Variants in SIN3B observed in about 807,000 individuals in gnomAD.
SIN3B encodes the protein paired amphipathic helix protein Sin3b.
A neutral mutation model predicts 120.2 loss-of-function variants in SIN3B; 19 were observed. The ratio of observed to expected loss-of-function variants is 0.16; its 90% CI spans 0.11 to 0.23. The LOEUF (loss-of-function observed/expected upper bound fraction) is 0.23. Ranked by LOEUF, SIN3B falls within the 10% of genes least tolerant of loss-of-function variation. The pLI, the probability that SIN3B is intolerant of heterozygous loss-of-function variation, is 1.00. For synonymous variants in SIN3B, 654 were observed against 653.2 expected, an observed-to-expected ratio of 1.00 and a Z score of -0.02; for missense variants, 1,073 against 1,573.0, an observed-to-expected ratio of 0.68 and a Z score of 5.38.
chr19:16,870,643 C>T (rs1410203621), intron 13 of SIN3B, among the ~76,000 whole-genome samples: 2 of 152,162 alleles, frequency 1.3e-5, no homozygotes, highest in African/African-American at 4.8e-5. Context: ...GCCTCCGCCT[C>T]CCAGGTTCAA....
rs1235267441 is a variant in SIN3B at position 16,865,526 on chromosome 19, G to T, written c.1500G>T (p.Leu500=). Residue 500 remains leucine, a synonymous_variant, in exon 11 of 19, where the codon CTG becomes CTT. Coordinates refer to ENST00000248054, the MANE Select transcript of SIN3B (RefSeq NM_001297595.2). Reference sequence around the variant, plus strand: ...AGAAGTTCCGGCTGGACGACTCCCTGGGAGGCACGTCGGAGGTGATCCAGC... The same window carrying T: ...AGAAGTTCCGGCTGGACGACTCCCTTGGAGGCACGTCGGAGGTGATCCAGC... ...DQEKFRLDDS[L]GGTSEVIQRR... 2.5e-6 allele frequency: 4 copies of T among 1,613,784 alleles called. No individual in the cohort carries two copies. In the South Asian group the frequency reaches 4.4e-5, roughly 18 times the overall value.
intron 4 of SIN3B, among the ~76,000 whole-genome samples, chr19:16,843,690 G>C (rs1971446055): frequency 2.0e-5 from 3 of 152,134 alleles, no homozygotes. Flanking sequence ...CACAATGAGG[G>C]GTTGCCACAG....
chr19:16,846,647 C>G (rs1343822105), intron 4 of SIN3B, among the ~76,000 whole-genome samples: 1 of 152,236 alleles, frequency 6.6e-6, no homozygotes, highest in African/African-American at 2.4e-5. Context: ...CTCCCCATTT[C>G]CCTTGGGAAG....
intron 4 of SIN3B, among the ~76,000 whole-genome samples, chr19:16,846,038 G>A (rs1210571331): frequency 6.6e-6 from 1 of 152,166 alleles, no homozygotes; most frequent in Non-Finnish European, 1.5e-5. Context: ...CTCCCAAAGT[G>A]CTGGGATTAC....
intron 9 of SIN3B, 182 bp from the exon 10 acceptor site, chr19:16,863,498 T>C: frequency 1.7e-6 from 1 of 588,298 alleles, no homozygotes; most frequent in Non-Finnish European, 3.1e-6. Flanking sequence ...ACCAAGGGAG[T>C]GTCCACTTGA....
In SIN3B at chr19:16,862,624, ACCCGATAC is replaced by A; in HGVS notation, c.1266+69_1266+76del. On this transcript the variant is annotated intron_variant, in intron 9 of 18. Coordinates refer to ENST00000248054, the MANE Select transcript of SIN3B (RefSeq NM_001297595.2). This position sits in a 1 kb window ranked among gnomAD's most constrained non-coding sequence, Gnocchi z 4.7. ...CATCCCCCACCCCTCCCCAGCAAAC[ACCCGATAC>A]CCCCGTTATGAATGAAATGCTGTGT... 2.9e-6 allele frequency: 4 copies of A among 1,381,532 alleles called. No individual in the cohort carries two copies. The highest frequency in any genetic ancestry group is 4.1e-6 in the Non-Finnish European group (4 of 986,252). The allele number at this position is 1,381,532 out of a possible 1,614,324, so 85.6% of individuals were successfully genotyped here.
intron 3 of SIN3B, 151 bp downstream of exon 3, chr19:16,831,798 C>CA: frequency 1.5e-6 from 1 of 651,316 alleles, no homozygotes; most frequent in Non-Finnish European, 2.7e-6. Context: ...TAGCACAAAT[C>CA]AAAATAGATA....
chr19:16,849,642 C>T (rs1307982439), intron 5 of SIN3B, among the ~76,000 whole-genome samples: 10 of 152,176 alleles, frequency 6.6e-5, no homozygotes, highest in African/African-American at 2.4e-4. Context: ...AAGCAAGAAC[C>T]ATGTGAACTG....
At chr19:16,839,601 A>G (rs989527113) in intron 3 of SIN3B, among the ~76,000 whole-genome samples, 2 of 152,128 alleles carry the variant, frequency 1.3e-5, no homozygotes, top group Non-Finnish European at 2.9e-5. Flanking sequence ...GCTTCCCTAC[A>G]TACCCACACC....
chr19:16,833,491 G>A (rs1270230173), intron 3 of SIN3B, among the ~76,000 whole-genome samples: 1 of 151,898 alleles, frequency 6.6e-6, no homozygotes, highest in African/African-American at 2.4e-5. Context: ...AATCAGCCAG[G>A]CGCAGTGGAG....
chr19:16,836,833 C>A (rs773544037), intron 3 of SIN3B, among the ~76,000 whole-genome samples: 3 of 152,180 alleles, frequency 2.0e-5, no homozygotes, highest in Non-Finnish European at 2.9e-5. Flanking sequence ...TCAAAGGGAG[C>A]CCCCTGGCTG....
At position 16,877,580 on chromosome 19, in the gene SIN3B, C is replaced by T. The variant is rs146672332; in HGVS notation, c.2895C>T (p.Thr965=). ...LARYVEQYVG[T]EGASSSPTEG... ...GGTACGTGGAGCAGTATGTGGGGAC[C>T]GAGGGCGCGTCCAGCTCGCCCACTG... Residue 965 remains threonine (T), a synonymous_variant, in exon 17 of 19, where the codon ACC becomes ACT. Coordinates refer to ENST00000248054, the MANE Select transcript of SIN3B (RefSeq NM_001297595.2). 3.2e-5 allele frequency: 52 copies of T among 1,611,998 alleles called. No homozygotes were observed. In the Middle Eastern group the frequency reaches 6.6e-4, roughly 20 times the overall value.
chr19:16,878,975 G>T lies in SIN3B; in HGVS notation c.*248G>T. 1 of 543,482 alleles carries T rather than the reference G, an allele frequency of 1.8e-6. No homozygotes were observed. 33.7% of individuals were successfully genotyped at this position (543,482 alleles called of 1,614,324 possible). On this transcript the variant is annotated 3_prime_UTR_variant, in exon 19 of 19. Coordinates refer to ENST00000248054, the MANE Select transcript of SIN3B (RefSeq NM_001297595.2). ...AGCCCCACCACAGGGGCGGGTGGACGTGCTGGCCGAGGAACAAGCAATCAT... is the reference window on the plus strand; with the variant it reads ...AGCCCCACCACAGGGGCGGGTGGACTTGCTGGCCGAGGAACAAGCAATCAT...
chr19:16,873,484 T>G, intron 14 of SIN3B, among the ~76,000 whole-genome samples: 1 of 148,166 alleles, frequency 6.7e-6, no homozygotes, highest in African/African-American at 2.5e-5. Flanking sequence ...GTTGGGGAAG[T>G]GACGCAGGGG....
chr19:16,846,218 G>T (rs1034125822), intron 4 of SIN3B: 11 of 152,212 alleles, frequency 7.2e-5, no homozygotes, highest in African/African-American at 2.7e-4. Context: ...TTTTGGAAGG[G>T]TGGTGTTTTT....
intron 3 of SIN3B, among the ~76,000 whole-genome samples, chr19:16,836,928 T>G (rs576145513): frequency 6.6e-6 from 1 of 152,286 alleles, no homozygotes; most frequent in African/African-American, 2.4e-5. Context: ...CGGTGACCCC[T>G]TCTCCGAGCC....
intron 14 of SIN3B, among the ~76,000 whole-genome samples, chr19:16,873,646 T>TC (rs953704363): frequency 1.4e-4 from 21 of 147,482 alleles, no homozygotes; most frequent in Middle Eastern, 7.5e-3. Flanking sequence ...TTTAAAAAAA[T>TC]CCCCCCCTTC....
chr19:16,872,953 G>A (rs533493177), intron 14 of SIN3B, among the ~76,000 whole-genome samples: 1 of 152,296 alleles, frequency 6.6e-6, no homozygotes, highest in South Asian at 2.1e-4. Context: ...GTGTGTCTGC[G>A]GTGGCCGTCT....
At chr19:16,842,640 T>A (rs1253214983) in intron 4 of SIN3B, among the ~76,000 whole-genome samples, 1 of 152,158 alleles carries the variant, frequency 6.6e-6, no homozygotes, top group Non-Finnish European at 1.5e-5. Flanking sequence ...CTTTGCTGAT[T>A]ACAACTGGGC....
Sources: gnomAD v4.1 joint callset for allele counts (sites outside exome capture counted in the v4.1 genomes callset) on GRCh38, gnomAD v4.1.1 for gene constraint, Gnocchi (gnomAD v3.1) non-coding constraint, MANE v1.5 for transcripts, NCBI Gene and HGNC (gene_info 2026-07-23, HGNC 2026-07-21) for gene names.